The following NUP155 variants were observed in gnomAD, a reference collection of about 807,000 sequenced individuals.
The protein encoded by NUP155 is nuclear pore complex protein Nup155.
In NUP155, 71 loss-of-function variants were observed where a neutral mutation model predicts 180.4. The ratio of observed to expected loss-of-function variants is 0.39; its 90% CI spans 0.33 to 0.48. NUP155 has a LOEUF of 0.48. NUP155 is among the 20% of genes least tolerant of loss of function. NUP155 has a pLI of 0.91. For missense variants in NUP155, 1,553 were observed against 1,648.9 expected, an observed-to-expected ratio of 0.94 and a Z score of 1.01; for synonymous variants, 582 against 559.5, an observed-to-expected ratio of 1.04 and a Z score of -0.57.
chr5:37,316,151 A>C (rs1156401506), intron 21 of NUP155, among the ~76,000 whole-genome samples: 2 of 152,188 alleles, frequency 1.3e-5, no homozygotes. Flanking sequence ...CAAAAAACGG[A>C]AGTAACTCAG....
intron 9 of NUP155, among the ~76,000 whole-genome samples, chr5:37,344,126 G>C (rs1017738518): frequency 2.0e-5 from 3 of 151,710 alleles, no homozygotes; most frequent in Admixed American, 1.3e-4. Flanking sequence ...GATCACTTGA[G>C]GCCAGGAGTT....
At chr5:37,297,376 A>C (rs1340167480) in intron 32 of NUP155, among the ~76,000 whole-genome samples, 1 of 150,860 alleles carries the variant, frequency 6.6e-6, no homozygotes, top group Non-Finnish European at 1.5e-5. Context: ...TGTACAATAC[A>C]GTGTTATTTA....
intron 21 of NUP155, 44 bp from the exon 22 acceptor site, chr5:37,314,372 A>C: frequency 7.0e-7 from 1 of 1,435,164 alleles, no homozygotes. Flanking sequence ...AACATAGGTT[A>C]AGTTGCTTTA....
chr5:37,344,345 G>GA (rs537055020), intron 9 of NUP155, among the ~76,000 whole-genome samples: 426 of 54,104 alleles, frequency 7.9e-3, no homozygotes, highest in Middle Eastern at 0.021. Flanking sequence ...CTGTCTCAAA[G>GA]AAAAAAAAAA....
At chr5:37,326,015 A>C (rs1744580871) in intron 18 of NUP155, 48 bp from the exon 19 acceptor site, 9 of 1,250,412 alleles carry the variant, frequency 7.2e-6, no homozygotes, top group Non-Finnish European at 8.2e-6. Context: ...GAATAAAAAC[A>C]ATTACAATAA....
At chr5:37,304,172 C>A (rs929974158) in intron 27 of NUP155, among the ~76,000 whole-genome samples, 1 of 147,416 alleles carries the variant, frequency 6.8e-6, no homozygotes, top group Non-Finnish European at 1.5e-5. Flanking sequence ...ATTGCTGGAA[C>A]CCGGGAGGCG....
Position 37,307,370 on chromosome 5 carries a change from C to G in NUP155, c.2830G>C (p.Gly944Arg). ...LTAAEKKDPQ[G>R]LGLHFYKHGE... is the part of the protein sequence containing the mutation. Reference sequence around the variant, plus strand: ...TGTTTATAGAAATGAAGCCCAAGACCTTGAGGATCTTTTTTCTCTGCAGCC... The same window carrying G: ...TGTTTATAGAAATGAAGCCCAAGACGTTGAGGATCTTTTTTCTCTGCAGCC... The change falls in exon 25 of 35, where the codon GGT (glycine) becomes CGT (arginine). Residue 944 changes from glycine to arginine, a missense_variant. Gly to Arg is a moderately radical substitution (Grantham distance 125). Transcript: ENST00000231498. The G allele has an allele frequency of 1.9e-6, 3 of 1,613,934 alleles. No individual in the cohort carries two copies. Among genetic ancestry groups the G allele is most frequent in the Non-Finnish European group, 2.5e-6 (3 of 1,179,902 alleles).
At chr5:37,355,567 T>A (rs1234093820) in intron 4 of NUP155, among the ~76,000 whole-genome samples, 192 of 133,264 alleles carry the variant, frequency 1.4e-3, no homozygotes, top group South Asian at 5.8e-3. Context: ...ATATATTTAT[T>A]TATTTGTTTG....
At chr5:37,350,620 A>G (rs916584692) in intron 6 of NUP155, among the ~76,000 whole-genome samples, 1 of 152,080 alleles carries the variant, frequency 6.6e-6, no homozygotes, top group African/African-American at 2.4e-5. Context: ...CCTAGCCAAC[A>G]TGATGAAACT....
chr5:37,304,721 C>T lies in NUP155; in HGVS notation c.3162+18G>A. On this transcript the variant is annotated intron_variant, in intron 27 of 34. Transcript: ENST00000231498. ...TCCTTAAGAATAATTAACACAACTG[C>T]AATAAAAAAAGATTTACCTGTAGCA... 6.7e-7 allele frequency: 1 copy of T among 1,485,190 alleles called. No homozygotes were observed. 92.0% of individuals were successfully genotyped at this position (1,485,190 alleles called of 1,614,324 possible).
intron 9 of NUP155, among the ~76,000 whole-genome samples, chr5:37,344,887 A>G (rs909985673): frequency 2.6e-5 from 4 of 151,588 alleles, no homozygotes; most frequent in African/African-American, 9.7e-5. Flanking sequence ...AAAAAAAAAA[A>G]AGATTTTGGG....
chr5:37,361,253 G>A (rs548798676), intron 3 of NUP155, among the ~76,000 whole-genome samples: 9 of 118,746 alleles, frequency 7.6e-5, no homozygotes, highest in East Asian at 2.6e-4. Context: ...GCGACAGAGC[G>A]AGACTCTGTC....
intron 27 of NUP155, among the ~76,000 whole-genome samples, chr5:37,304,379 T>G (rs1427149864): frequency 6.6e-6 from 1 of 152,066 alleles, no homozygotes; most frequent in Non-Finnish European, 1.5e-5. Flanking sequence ...TCAAATGCTA[T>G]GTATTCATTA....
In NUP155 at chr5:37,299,254, G is replaced by A. The variant is rs1014534075; in HGVS notation, c.3682+194C>T. On this transcript the variant is annotated intron_variant, in intron 31 of 34. Coordinates refer to ENST00000231498, the MANE Select transcript of NUP155 (RefSeq NM_153485.3). ...TAACCTTTTCACTGAGTATTCTCCC[G>A]AATATTCACTTGGGTCATTCTGTGT... is the stretch of plus-strand genomic sequence containing the variant. Among the ~76,000 whole-genome samples, 5 of 152,194 alleles carry A rather than the reference G, an allele frequency of 3.3e-5. No homozygotes were observed. In the South Asian group the frequency reaches 6.2e-4, roughly 19 times the overall value.
At chr5:37,309,916 T>C (rs1047345016) in intron 23 of NUP155, among the ~76,000 whole-genome samples, 3 of 151,832 alleles carry the variant, frequency 2.0e-5, no homozygotes, top group Non-Finnish European at 4.4e-5. Flanking sequence ...GGTGTGATGG[T>C]GCACACCTGT....
In NUP155 at chr5:37,327,651, T is replaced by C; in HGVS notation, c.2002A>G (p.Ile668Val). ...TACCCCATGATCCGAGAAAAGTAAATGCAAATACCATTGTGTTTTCCAGAG... is the reference window on the plus strand; with the variant it reads ...TACCCCATGATCCGAGAAAAGTAAACGCAAATACCATTGTGTTTTCCAGAG... ...VYSGKHNGIC[I>V]YFSRIMGNIW... The change falls in exon 18 of 35, where the codon ATT becomes GTT. Residue 668 changes from isoleucine to valine, a missense_variant. Physicochemically the swap from Ile to Val is conservative, Grantham distance 29. Coordinates refer to ENST00000231498, the MANE Select transcript of NUP155 (RefSeq NM_153485.3). 2 of 1,614,104 alleles carry C rather than the reference T, an allele frequency of 1.2e-6. No homozygotes were observed. The highest frequency in any genetic ancestry group is 1.7e-6 in the Non-Finnish European group (2 of 1,180,008).
chr5:37,336,483 A>G (rs1259613325), intron 12 of NUP155, among the ~76,000 whole-genome samples: 1 of 152,068 alleles, frequency 6.6e-6, no homozygotes, highest in Non-Finnish European at 1.5e-5. Context: ...GGTGCTTCCT[A>G]TGAGTGCCAG....
intron 3 of NUP155, among the ~76,000 whole-genome samples, chr5:37,358,894 G>A (rs149351658): frequency 1.8e-3 from 271 of 152,196 alleles, no homozygotes; most frequent in Admixed American, 5.2e-3. Flanking sequence ...GCGCACGCCT[G>A]TGGTCCCAGC....
At position 37,333,592 on chromosome 5, in the gene NUP155, C is replaced by T. The variant is rs142662644; in HGVS notation, c.1389G>A (p.Ala463=). ...TTTTATCTACTTTCAATTCATCTATCGCAGAAAGAGCCCAGGAATGACCAT... is the reference window on the plus strand; with the variant it reads ...TTTTATCTACTTTCAATTCATCTATTGCAGAAAGAGCCCAGGAATGACCAT... The part of the protein sequence containing the change: ...GVDGHSWALS[A]IDELKVDKII... Residue 463 remains alanine (A), a synonymous_variant, in exon 13 of 35, where the codon GCG becomes GCA. Transcript: ENST00000231498. The T allele has an allele frequency of 1.2e-4, 199 of 1,613,704 alleles. No homozygotes were observed. The highest frequency in any genetic ancestry group is 4.5e-4 in the African/African-American group (34 of 74,962).
Sources: gnomAD v4.1 joint callset for allele counts (sites outside exome capture counted in the v4.1 genomes callset) on GRCh38, gnomAD v4.1.1 for gene constraint, MANE v1.5 for transcripts, NCBI Gene and HGNC (gene_info 2026-07-23, HGNC 2026-07-21) for gene names.